Variants in ITGB3 observed in about 807,000 individuals in gnomAD.
The protein encoded by ITGB3 is integrin subunit beta 3.
A neutral mutation model predicts 85.8 loss-of-function variants in ITGB3; 48 were observed. The observed-to-expected ratio is 0.56, with a 90% CI of 0.44 to 0.71. ITGB3 has a LOEUF of 0.71. Ranked by LOEUF, ITGB3 falls within the 30% of genes least tolerant of loss-of-function variation. ITGB3 has a pLI of 0.00. For missense variants in ITGB3, 861 were observed against 1,019.1 expected, an observed-to-expected ratio of 0.84 and a Z score of 2.11; for synonymous variants, 363 against 395.6, an observed-to-expected ratio of 0.92 and a Z score of 0.98.
At chr17:47,258,431 ACT>A (rs960285796) in intron 1 of ITGB3, among the ~76,000 whole-genome samples, 5 of 145,824 alleles carry the variant, frequency 3.4e-5, no homozygotes, top group Admixed American at 6.8e-5. Context: ...CACCAAAAAC[ACT>A]CTTTTTTTTT....
At chr17:47,286,549 T>A in intron 5 of ITGB3, 127 bp downstream of exon 5, 1 of 1,168,326 alleles carries the variant, frequency 8.6e-7, no homozygotes, top group Non-Finnish European at 1.3e-6. Context: ...CCTGCAGTTA[T>A]GAGTAGTAAG....
chr17:47,306,041 G>A (rs2065186599), intron 13 of ITGB3, among the ~76,000 whole-genome samples: 1 of 152,214 alleles, frequency 6.6e-6, no homozygotes, highest in African/African-American at 2.4e-5. Flanking sequence ...CAAAGATCAT[G>A]TATAAAAGTT....
intron 1 of ITGB3, among the ~76,000 whole-genome samples, chr17:47,272,626 A>G (rs1253667891): frequency 1.3e-5 from 2 of 151,446 alleles, no homozygotes; most frequent in Non-Finnish European, 2.9e-5. Flanking sequence ...TTGAAAGGAC[A>G]TTTGTATTTT....
chr17:47,310,748 C>T lies in ITGB3; in HGVS notation c.*544C>T, dbSNP rs2065211108. 1 of 186,174 alleles carries T rather than the reference C, an allele frequency of 5.4e-6. No individual in the cohort carries two copies. The highest frequency in any genetic ancestry group is 1.2e-5 in the Non-Finnish European group (1 of 86,586). 11.5% of individuals were successfully genotyped at this position (186,174 alleles called of 1,614,324 possible). On this transcript the variant is annotated 3_prime_UTR_variant, in exon 15 of 15. Coordinates refer to ENST00000559488, the MANE Select transcript of ITGB3 (RefSeq NM_000212.3). ...GGTCATCTGTACCTCTGCCTCCTTT[C>T]CCCTCCCTCAGGCCGAAGGAGGAGT...
chr17:47,308,160 A>AAATAAAAATAATAATAATAAT (rs1555574005), intron 14 of ITGB3, among the ~76,000 whole-genome samples: 2 of 138,546 alleles, frequency 1.4e-5, no homozygotes, highest in African/African-American at 5.5e-5. Flanking sequence ...TCGGTCTCAA[A>AAATAAAAATAATAATAATAAT]AATAATAATA....
At chr17:47,307,749 C>A in intron 14 of ITGB3, 112 bp downstream of exon 14, 3 of 1,053,950 alleles carry the variant, frequency 2.8e-6, no homozygotes, top group Non-Finnish European at 4.3e-6. Context: ...TTTCCATTAT[C>A]CTCTGTTCTG....
intron 11 of ITGB3, 75 bp from the exon 12 acceptor site, chr17:47,300,403 G>C (rs1019241918): frequency 4.0e-6 from 4 of 1,005,974 alleles, no homozygotes; most frequent in Non-Finnish European, 6.3e-6. Flanking sequence ...TGAATGCATG[G>C]AGATCAGAGC....
intron 14 of ITGB3, 43 bp downstream of exon 14, chr17:47,307,680 G>A: frequency 6.3e-7 from 1 of 1,590,064 alleles, no homozygotes; most frequent in Non-Finnish European, 8.6e-7. Context: ...ATTGGTCTGA[G>A]ACTCTTAAGT....
chr17:47,276,503 AGGAAATG>A (rs1273527701), intron 2 of ITGB3, among the ~76,000 whole-genome samples: 1 of 152,206 alleles, frequency 6.6e-6, no homozygotes, highest in East Asian at 1.9e-4. Context: ...GCAGTCAGTG[AGGAAATG>A]GGCGCAGCTA....
rs200194171 is a variant in ITGB3 at position 47,299,468 on chromosome 17, G to A, written c.1851G>A (p.Pro617=). 23 of 1,614,254 alleles carry A rather than the reference G, an allele frequency of 1.4e-5. No individual in the cohort carries two copies. The East Asian group carries it at 3.1e-4, about 22-fold the overall frequency. The part of the protein sequence containing the change: ...CECGSCVCIQ[P]GSYGDTCEKC... ...GTGGCAGCTGTGTCTGTATCCAGCC[G>A]GGCTCCTATGGGGACACCTGTGAGA... The change falls in exon 11 of 15, where the codon CCG becomes CCA. Residue 617 remains proline, a synonymous_variant. Transcript: ENST00000559488. The surrounding 1 kb of genome is among the most constrained non-coding windows in gnomAD (Gnocchi z 5.1).
At chr17:47,263,878 C>A (rs884696) in intron 1 of ITGB3, among the ~76,000 whole-genome samples, 33,380 of 152,038 alleles carry the variant, frequency 0.22, 3,980 homozygotes, top group African/African-American at 0.31. Context: ...CAGGGAATCC[C>A]CTTGCTCAGA....
chr17:47,291,187 G>A, intron 9 of ITGB3, 99 bp downstream of exon 9: 3 of 1,396,690 alleles, frequency 2.1e-6, no homozygotes, highest in African/African-American at 2.9e-5. Context: ...CCTTCCACCA[G>A]AAAAAAAATA....
At chr17:47,269,287 T>C (rs1203218134) in intron 1 of ITGB3, among the ~76,000 whole-genome samples, 1 of 152,270 alleles carries the variant, frequency 6.6e-6, no homozygotes, top group Non-Finnish European at 1.5e-5. Flanking sequence ...TCGTTACTTA[T>C]TTCTGCAGCT....
At chr17:47,258,814 G>A (rs2064999475) in intron 1 of ITGB3, among the ~76,000 whole-genome samples, 2 of 152,132 alleles carry the variant, frequency 1.3e-5, no homozygotes, top group South Asian at 4.1e-4. Context: ...TCTATTTCCT[G>A]TCCCTGCAGT....
chr17:47,286,281 C>A lies in ITGB3; in HGVS notation c.636C>A (p.Pro212=). The part of the protein sequence containing the change: ...PCYDMKTTCL[P]MFGYKHVLTL... Reference sequence around the variant, plus strand: ...CCAGTATGAAGACCACCTGCTTGCCCATGTTTGGCTACAAACACGTGCTGA... The same window carrying A: ...CCAGTATGAAGACCACCTGCTTGCCAATGTTTGGCTACAAACACGTGCTGA... The change falls in exon 5 of 15, where the codon CCC becomes CCA. Residue 212 remains proline (P), a synonymous_variant. Coordinates refer to ENST00000559488, the MANE Select transcript of ITGB3 (RefSeq NM_000212.3). 1 of 1,614,126 alleles carries A rather than the reference C, an allele frequency of 6.2e-7. No homozygotes were observed. The highest frequency in any genetic ancestry group is 8.5e-7 in the Non-Finnish European group (1 of 1,180,024).
chr17:47,287,486 G>A (rs2065107241), intron 6 of ITGB3, among the ~76,000 whole-genome samples: 1 of 152,182 alleles, frequency 6.6e-6, no homozygotes, highest in Non-Finnish European at 1.5e-5. Flanking sequence ...AGCATCATGG[G>A]ATCCAGAATG....
At chr17:47,291,129 T>TG in intron 9 of ITGB3, 41 bp downstream of exon 9, 1 of 1,613,256 alleles carries the variant, frequency 6.2e-7, no homozygotes, top group South Asian at 1.1e-5. Context: ...GGAGCATCTG[T>TG]GGGCACCCAA....
At chr17:47,303,410 T>A (rs907291021) in intron 13 of ITGB3, 1 of 154,860 alleles carries the variant, frequency 6.5e-6, no homozygotes, top group Non-Finnish European at 1.4e-5. Flanking sequence ...AAGATAGATA[T>A]GGATCTCATT....
At chr17:47,271,837 C>A (rs2065045026) in intron 1 of ITGB3, among the ~76,000 whole-genome samples, 1 of 152,070 alleles carries the variant, frequency 6.6e-6, no homozygotes, top group African/African-American at 2.4e-5. Context: ...CCTCTGCCTC[C>A]TGGGTTTAAG....
Sources: allele counts gnomAD v4.1 joint callset (sites outside exome capture counted in the v4.1 genomes callset), GRCh38; gene constraint gnomAD v4.1.1; non-coding constraint Gnocchi (gnomAD v3.1); transcripts MANE v1.5; gene names NCBI Gene and HGNC (gene_info 2026-07-23, HGNC 2026-07-21).